RUBCNL: variants seen among roughly 807,000 people sequenced by gnomAD.
RUBCNL encodes the protein rubicon like autophagy enhancer, also known as protein associated with UVRAG as autophagy enhancer.
Under a neutral mutation model 69.5 loss-of-function variants are expected in RUBCNL, and 62 were observed. The ratio of observed to expected loss-of-function variants is 0.89; its 90% CI spans 0.73 to 1.10. The LOEUF (loss-of-function observed/expected upper bound fraction) is 1.10. Among genes scored for constraint, RUBCNL ranks in the 50% least tolerant of loss-of-function variants. RUBCNL has a pLI of 0.00. For synonymous variants in RUBCNL, 291 were observed against 303.6 expected (o/e 0.96, Z 0.43); for missense variants, 768 against 798.1 (o/e 0.96, Z 0.45).
At chr13:46,346,709 C>T (rs1190064826) in intron 12 of RUBCNL, among the ~76,000 whole-genome samples, 1 of 152,086 alleles carries the variant, frequency 6.6e-6, no homozygotes, top group Non-Finnish European at 1.5e-5. Flanking sequence ...ATGCTCCTTC[C>T]CCCAAAATTT....
At position 46,343,353 on chromosome 13, in the gene RUBCNL, T is replaced by C. The variant is rs981060869; in HGVS notation, c.*32A>G. 10 of 1,605,522 alleles carry C rather than the reference T, an allele frequency of 6.2e-6. No homozygotes were observed. Among genetic ancestry groups the C allele is most frequent in the African/African-American group, 1.3e-5 (1 of 74,832 alleles). On this transcript the variant is annotated 3_prime_UTR_variant, in exon 15 of 15. Transcript: ENST00000429979. Reference sequence around the variant, plus strand: ...CAAATCGGTGTTATCATAAGGCATGTTGAACAGTCTTTTTCACAGTACTCA... The same window carrying C: ...CAAATCGGTGTTATCATAAGGCATGCTGAACAGTCTTTTTCACAGTACTCA...
rs566473238 is a variant in RUBCNL, at chr13:46,335,898, A to C, written c.*7487T>G. On this transcript the variant is annotated 3_prime_UTR_variant, in exon 15 of 15. Transcript: ENST00000429979. ...CTGCTGAGTACCAGCCTCTGGGCTG[A>C]AGCTACAAATTTAGAGTCATTCAAA... is the stretch of plus-strand genomic sequence containing the variant. Among the ~76,000 whole-genome samples, 1 of 152,362 alleles carries C rather than the reference A, an allele frequency of 6.6e-6. No individual in the cohort carries two copies. Among genetic ancestry groups the C allele is most frequent in the South Asian group, 2.1e-4 (1 of 4,828 alleles).
At chr13:46,373,559 A>G (rs928765617) in intron 2 of RUBCNL, among the ~76,000 whole-genome samples, 15 of 152,240 alleles carry the variant, frequency 9.9e-5, no homozygotes, top group Non-Finnish European at 1.8e-4. Flanking sequence ...TACACAAACA[A>G]GAAGCACTCT....
rs2048095941 is a variant in RUBCNL at position 46,335,173 on chromosome 13, T to C, written c.*8212A>G. On this transcript the variant is annotated 3_prime_UTR_variant, in exon 15 of 15. Coordinates refer to ENST00000429979, the MANE Select transcript of RUBCNL (RefSeq NM_025113.5). Reference sequence around the variant, plus strand: ...TCAAACTCCTGGGCTCGATCGATCCTCCCACCTCAGCCTCCTGGGTAGCTG... The same window carrying C: ...TCAAACTCCTGGGCTCGATCGATCCCCCCACCTCAGCCTCCTGGGTAGCTG... Among the ~76,000 whole-genome samples the C allele has an allele frequency of 6.6e-6, 1 of 150,448 alleles. No individual in the cohort carries two copies. The highest frequency in any genetic ancestry group is 2.5e-5 in the African/African-American group (1 of 40,672).
At chr13:46,378,812 C>A (rs2049056119) in intron 1 of RUBCNL, among the ~76,000 whole-genome samples, 1 of 152,138 alleles carries the variant, frequency 6.6e-6, no homozygotes, top group Non-Finnish European at 1.5e-5. Context: ...CATGAATAGG[C>A]AAAAGTACAT....
intron 11 of RUBCNL, 101 bp from the exon 12 acceptor site, chr13:46,349,448 C>A (rs1368442603): frequency 8.7e-7 from 1 of 1,153,342 alleles, no homozygotes; most frequent in Non-Finnish European, 1.3e-6. Context: ...TGAAATGCTG[C>A]ACTTGTATAA....
At chr13:46,358,093 C>T (rs991643305) in intron 9 of RUBCNL, among the ~76,000 whole-genome samples, 1 of 152,144 alleles carries the variant, frequency 6.6e-6, no homozygotes, top group African/African-American at 2.4e-5. Flanking sequence ...CCTAGGAAAC[C>T]CCTAAAGAAA....
At chr13:46,379,088 TTTTA>T (rs780239908) in intron 1 of RUBCNL, among the ~76,000 whole-genome samples, 2 of 152,242 alleles carry the variant, frequency 1.3e-5, no homozygotes, top group East Asian at 3.9e-4. Flanking sequence ...GCCCTTTTAT[TTTTA>T]TTTATTTATT....
At chr13:46,352,087 C>A (rs1253356172) in intron 10 of RUBCNL, among the ~76,000 whole-genome samples, 1 of 152,198 alleles carries the variant, frequency 6.6e-6, no homozygotes, top group Non-Finnish European at 1.5e-5. Context: ...GTTGGCCTCC[C>A]AAAGTGTTGG....
At chr13:46,375,568 T>C (rs1047488202) in intron 2 of RUBCNL, among the ~76,000 whole-genome samples, 2 of 152,140 alleles carry the variant, frequency 1.3e-5, no homozygotes, top group Non-Finnish European at 2.9e-5. Flanking sequence ...AAAAGACCTC[T>C]GTGGCAGATA....
At chr13:46,362,634 T>C (rs771589775) in intron 6 of RUBCNL, 36 bp from the exon 7 acceptor site, 1 of 1,469,314 alleles carries the variant, frequency 6.8e-7, no homozygotes, top group Non-Finnish European at 9.4e-7. Flanking sequence ...GTGAGGTCTT[T>C]TAGTCTGTTT....
intron 6 of RUBCNL, among the ~76,000 whole-genome samples, 152 bp downstream of exon 6, chr13:46,362,963 T>TATATATATATATATAG (rs2048663902): frequency 1.0e-5 from 1 of 98,708 alleles, no homozygotes; most frequent in African/African-American, 4.6e-5. Context: ...TATATATATA[T>TATATATATATATATAG]ATATATATAT....
At chr13:46,368,330 G>C in intron 4 of RUBCNL, 81 bp from the exon 5 acceptor site, 1 of 1,462,058 alleles carries the variant, frequency 6.8e-7, no homozygotes, top group Non-Finnish European at 9.2e-7. Context: ...AAATCAATAT[G>C]CTCTATTTAA....
chr13:46,383,930 T>C (rs190356996), intron 1 of RUBCNL, among the ~76,000 whole-genome samples: 1 of 152,210 alleles, frequency 6.6e-6, no homozygotes, highest in Non-Finnish European at 1.5e-5. Context: ...GCCCTAATTC[T>C]ACAAGCACAG....
chr13:46,343,399 A>T lies in RUBCNL; in HGVS notation c.1975T>A (p.Ser659Thr), dbSNP rs760255031. The T allele has an allele frequency of 2.5e-6, 4 of 1,613,618 alleles. No homozygotes were observed. The highest frequency in any genetic ancestry group is 3.4e-6 in the Non-Finnish European group (4 of 1,179,738). ...ARRKLLESVASAAT is the reference protein window; with the variant it reads ...ARRKLLESVATAAT ...ACTCAGGGGCATCATGTTGCTGCAG[A>T]GGCCACACTTTCCAGAAGTTTTCTC... Residue 659 changes from serine (S) to threonine (T), a missense_variant, in exon 15 of 15, where the codon TCT (serine) becomes ACT (threonine). Transcript: ENST00000429979.
At chr13:46,356,709 CA>C (rs1384016891) in intron 9 of RUBCNL, among the ~76,000 whole-genome samples, 9 of 151,672 alleles carry the variant, frequency 5.9e-5, no homozygotes, top group Admixed American at 5.9e-4. Flanking sequence ...TTTTATTTTT[CA>C]TTTTTTTTCC....
chr13:46,372,379 G>A lies in RUBCNL; in HGVS notation c.97C>T (p.Leu33=). ...TGGCAAGGAGGATGGTCAGTGTTCA[G>A]GAGTCTGGGCGAACCATCAATAATG... The part of the protein sequence containing the change: ...SGIIDGSPRL[L]NTDHPPCQLD... Residue 33 remains leucine, a synonymous_variant, in exon 3 of 15, where the codon CTG becomes TTG. Coordinates refer to ENST00000429979, the MANE Select transcript of RUBCNL (RefSeq NM_025113.5). The A allele has an allele frequency of 3.7e-6, 6 of 1,613,976 alleles. No individual in the cohort carries two copies. The highest frequency in any genetic ancestry group is 5.1e-6 in the Non-Finnish European group (6 of 1,179,882).
In RUBCNL at chr13:46,368,104, G is replaced by C; in HGVS notation, c.764C>G (p.Thr255Ser). The change falls in exon 5 of 15, where the codon ACT (threonine) becomes AGT (serine). Residue 255 changes from threonine to serine, a missense_variant. Physicochemically the swap from Thr to Ser is moderately conservative, Grantham distance 58. Coordinates refer to ENST00000429979, the MANE Select transcript of RUBCNL (RefSeq NM_025113.5). ...LGSDQPDSEMTFDTNIKQESG... is the reference protein window; with the variant it reads ...LGSDQPDSEMSFDTNIKQESG... ...CTCTTGCTTTATGTTGGTATCAAAAGTCATTTCAGAGTCAGGCTGATCACT... is the reference window on the plus strand; with the variant it reads ...CTCTTGCTTTATGTTGGTATCAAAACTCATTTCAGAGTCAGGCTGATCACT... 1 of 1,613,990 alleles carries C rather than the reference G, an allele frequency of 6.2e-7. No homozygotes were observed. The highest frequency in any genetic ancestry group is 8.5e-7 in the Non-Finnish European group (1 of 1,179,884).
At chr13:46,361,943 T>C (rs1444835137) in intron 7 of RUBCNL, among the ~76,000 whole-genome samples, 2 of 151,878 alleles carry the variant, frequency 1.3e-5, no homozygotes, top group Non-Finnish European at 2.9e-5. Flanking sequence ...CATAAATATA[T>C]GGTCGGGCAT....
Sources: gnomAD v4.1 joint callset for allele counts (sites outside exome capture counted in the v4.1 genomes callset) on GRCh38, gnomAD v4.1.1 for gene constraint, MANE v1.5 for transcripts, NCBI Gene and HGNC (gene_info 2026-07-23, HGNC 2026-07-21) for gene names.